Variants in GNL3L observed in about 807,000 individuals in gnomAD.
GNL3L encodes the protein guanine nucleotide-binding protein-like 3-like protein.
Under a neutral mutation model 42.9 loss-of-function variants are expected in GNL3L, and 4 were observed. That is an observed-to-expected ratio of 0.09 (90% CI 0.05 to 0.21). The LOEUF is 0.21. Ranked by LOEUF, GNL3L falls within the 10% of genes least tolerant of loss-of-function variation. The probability of loss-of-function intolerance (pLI) is 1.00; values close to 1 mark genes in which losing one functional copy is unlikely to be tolerated. For missense variants in GNL3L, 412 were observed against 481.7 expected (o/e 0.86, Z 1.36); for synonymous variants, 159 against 176.3 (o/e 0.90, Z 0.78).
chrX:54,537,997 T>C (rs1299057023), intron 2 of GNL3L, among the ~76,000 whole-genome samples: 1 of 111,180 alleles, frequency 9.0e-6, no homozygotes, highest in Admixed American at 9.7e-5. Flanking sequence ...CCTTAAGAAT[T>C]TGCAGTAGCT....
intron 2 of GNL3L, among the ~76,000 whole-genome samples, chrX:54,536,243 AT>A (rs1924419942): frequency 1.8e-5 from 2 of 108,357 alleles, no homozygotes; most frequent in South Asian, 8.3e-4. Flanking sequence ...CAAACTCCTA[AT>A]TTTTGTATTT....
At chrX:54,604,451 G>T (rs1357819573) in intron 16 of GNL3L, among the ~76,000 whole-genome samples, 1 of 111,212 alleles carries the variant, frequency 9.0e-6, no homozygotes, top group African/African-American at 3.3e-5. Flanking sequence ...GTCAGCAAAG[G>T]TCTCTTTGAG....
chrX:54,586,326 TGAA>T (rs1569542446), intron 16 of GNL3L, among the ~76,000 whole-genome samples: 2 of 110,810 alleles, frequency 1.8e-5, no homozygotes, highest in Admixed American at 9.6e-5. Flanking sequence ...GGAAACTTCA[TGAA>T]GGTTATTGCT....
chrX:54,641,754 G>A, the GNL3L span, among the ~76,000 whole-genome samples: 1 of 112,143 alleles, frequency 8.9e-6, no homozygotes, highest in Non-Finnish European at 1.9e-5. Context: ...TGAAATAAGA[G>A]ATCCAGAGGA....
intron 9 of GNL3L, among the ~76,000 whole-genome samples, chrX:54,549,515 A>G (rs181123189): frequency 3.6e-4 from 40 of 112,501 alleles, no homozygotes; most frequent in Middle Eastern, 4.6e-3. Flanking sequence ...CATGGCCAAC[A>G]TGGCGAAACC....
chrX:54,536,186 G>A (rs1412331065), intron 2 of GNL3L, among the ~76,000 whole-genome samples: 1 of 108,844 alleles, frequency 9.2e-6, no homozygotes, highest in Non-Finnish European at 1.9e-5. Context: ...GCTAATTTTT[G>A]TATTTTTAGT....
chrX:54,638,643 G>A, the GNL3L span, among the ~76,000 whole-genome samples: 1 of 111,220 alleles, frequency 9.0e-6, no homozygotes, highest in East Asian at 2.8e-4. Context: ...ATTTTTAGTA[G>A]AGACGGGGTT....
chrX:54,535,697 T>G (rs936606640), intron 2 of GNL3L, among the ~76,000 whole-genome samples: 15 of 112,070 alleles, frequency 1.3e-4, no homozygotes, highest in African/African-American at 4.9e-4. Context: ...CTGGATTTTA[T>G]TGAAATAATT....
In GNL3L at chrX:54,548,347, G is replaced by C. The variant is rs754411514; in HGVS notation, c.749G>C (p.Arg250Pro). Residue 250 changes from arginine (R) to proline (P), a missense_variant, in exon 9 of 16, where the codon CGC (arginine) becomes CCC (proline). Physicochemically the swap from Arg to Pro is moderately radical, Grantham distance 103 (BLOSUM62 -2). Transcript: ENST00000360845. ...LGNYCRLGEV[R>P]THIRVGVVGL... is the part of the protein sequence containing the mutation. ...AACTATTGCCGCCTTGGTGAAGTGC[G>C]CACCCACATTCGTGTGGGTGTTGTG... 8.3e-7 allele frequency: 1 copy of C among 1,204,026 alleles called. No individual in the cohort carries two copies.
intron 14 of GNL3L, 24 bp downstream of exon 14, chrX:54,554,716 C>G (rs1342047152): frequency 8.4e-7 from 1 of 1,187,246 alleles, no homozygotes; most frequent in Non-Finnish European, 1.1e-6. Flanking sequence ...TTGTTCATGG[C>G]AACCCTCTTC....
At chrX:54,552,193 GTT>G in intron 12 of GNL3L, 97 bp from the exon 13 acceptor site, 1 of 935,747 alleles carries the variant, frequency 1.1e-6, no homozygotes, top group Non-Finnish European at 1.5e-6. Context: ...GGGTTTTCTT[GTT>G]CCGTTGCTGT....
intron 16 of GNL3L, among the ~76,000 whole-genome samples, chrX:54,589,044 A>T (rs1430979052): frequency 9.0e-6 from 1 of 111,339 alleles, no homozygotes; most frequent in Non-Finnish European, 1.9e-5. Flanking sequence ...TTTTGTGCGT[A>T]CATAGGTATA....
chrX:54,571,588 G>C (rs1925544780), downstream of GNL3L, among the ~76,000 whole-genome samples: 1 of 104,074 alleles, frequency 9.6e-6, no homozygotes, highest in African/African-American at 3.5e-5. Flanking sequence ...TCCCACCTCC[G>C]CCTTGCGAGC....
intron 16 of GNL3L, among the ~76,000 whole-genome samples, chrX:54,615,763 G>C (rs1227644972): frequency 9.4e-6 from 1 of 106,054 alleles, no homozygotes; most frequent in East Asian, 3.0e-4. Context: ...GGAGTGCTGT[G>C]GCGTGATCTC....
At chrX:54,621,404 C>T (rs1288056838) in exon 17 of GNL3L, among the ~76,000 whole-genome samples, 1 of 111,693 alleles carries the variant, frequency 9.0e-6, no homozygotes, top group South Asian at 3.7e-4. Context: ...TTGAGTGAGC[C>T]TTCTTGGACA....
At chrX:54,622,429 C>A (rs1230578657), downstream of GNL3L, among the ~76,000 whole-genome samples, 1 of 106,680 alleles carries the variant, frequency 9.4e-6, no homozygotes, top group Non-Finnish European at 1.9e-5. Context: ...GGACTACAGG[C>A]ACGTGCCACC....
intron 16 of GNL3L, among the ~76,000 whole-genome samples, chrX:54,612,430 C>T (rs1165843839): frequency 8.9e-6 from 1 of 111,757 alleles, no homozygotes; most frequent in Non-Finnish European, 1.9e-5. Flanking sequence ...ATGTGAGGTA[C>T]TGTTACTTTC....
At chrX:54,645,162 A>G in the GNL3L span, among the ~76,000 whole-genome samples, 1 of 111,291 alleles carries the variant, frequency 9.0e-6, no homozygotes, top group Non-Finnish European at 1.9e-5. Context: ...ACAAATAGAG[A>G]TTATTTTGCT....
At chrX:54,609,283 C>A (rs185435974) in intron 16 of GNL3L, among the ~76,000 whole-genome samples, 3 of 112,441 alleles carry the variant, frequency 2.7e-5, no homozygotes, top group African/African-American at 9.7e-5. Flanking sequence ...TATAAATTTT[C>A]TCCCACTCTG....
Sources: allele counts gnomAD v4.1 joint callset (sites outside exome capture counted in the v4.1 genomes callset), GRCh38; gene constraint gnomAD v4.1.1; transcripts MANE v1.5; gene names NCBI Gene and HGNC (gene_info 2026-07-23, HGNC 2026-07-21).